Variants in RAI1 observed in about 807,000 individuals in gnomAD.
RAI1 encodes retinoic acid-induced protein 1.
A neutral mutation model predicts 123.8 loss-of-function variants in RAI1; 9 were observed. The ratio of observed to expected loss-of-function variants is 0.07; its 90% CI spans 0.04 to 0.13. RAI1 has a LOEUF of 0.13. Among genes scored for constraint, RAI1 ranks in the 10% least tolerant of loss-of-function variants. The pLI is 1.00. For missense variants in RAI1, 2,256 were observed against 2,545.8 expected (o/e 0.89, Z 2.45); for synonymous variants, 1,231 against 1,127.3 (o/e 1.09, Z -1.84).
intron 1 of RAI1, among the ~76,000 whole-genome samples, chr17:17,708,521 A>G (rs2142900521): frequency 6.6e-6 from 1 of 152,096 alleles, no homozygotes; most frequent in African/African-American, 2.4e-5. Context: ...CAATCCTCCT[A>G]CCTTAGCTTC....
At position 17,810,622 on chromosome 17, in the gene RAI1, C is replaced by G; in HGVS notation, c.*641C>G. The G allele has an allele frequency of 1.5e-5, 5 of 330,194 alleles. No individual in the cohort carries two copies. Among genetic ancestry groups the G allele is most frequent in the South Asian group, 1.1e-4 (5 of 45,870 alleles). The allele number at this position is 330,194 out of a possible 1,614,324, so 20.5% of individuals were successfully genotyped here. ...CCCAGCCTTTGCCAGATCTCTCGTG[C>G]GGTTCGGGCAAAGCCGGGGTAGACC... On this transcript the variant is annotated 3_prime_UTR_variant, in exon 6 of 6. Transcript: ENST00000353383. This position sits in a 1 kb window ranked among gnomAD's most constrained non-coding sequence, Gnocchi z 4.6.
chr17:17,741,849 G>A (rs371847593), intron 2 of RAI1, among the ~76,000 whole-genome samples: 16 of 152,378 alleles, frequency 1.1e-4, no homozygotes, highest in African/African-American at 3.6e-4. Flanking sequence ...CCGTTGCTTC[G>A]GTGCCAGTGG....
At position 17,795,486 on chromosome 17, in the gene RAI1, C is replaced by T. The variant is rs774067791; in HGVS notation, c.2538C>T (p.Ser846=). The T allele has an allele frequency of 2.5e-6, 4 of 1,585,232 alleles. No individual in the cohort carries two copies. Among genetic ancestry groups the T allele is most frequent in the East Asian group, 2.3e-5 (1 of 43,404 alleles). The change falls in exon 3 of 6, where the codon TCC becomes TCT. Residue 846 remains serine (S), a synonymous_variant. Coordinates refer to ENST00000353383, the MANE Select transcript of RAI1 (RefSeq NM_030665.4). This position sits in a 1 kb window ranked among gnomAD's most constrained non-coding sequence, Gnocchi z 5.9. ...RWLEDSRHCC[S]TADFGDLPLL... is the part of the protein sequence containing the mutation. ...TGGAGGACAGCCGGCACTGCTGTTCCACCGCCGACTTCGGGGACCTCCCAC... is the reference window on the plus strand; with the variant it reads ...TGGAGGACAGCCGGCACTGCTGTTCTACCGCCGACTTCGGGGACCTCCCAC...
At chr17:17,736,505 G>A (rs561409415) in intron 2 of RAI1, among the ~76,000 whole-genome samples, 1 of 152,266 alleles carries the variant, frequency 6.6e-6, no homozygotes, top group Non-Finnish European at 1.5e-5. Flanking sequence ...AGATGTAGAA[G>A]GAAGTGGGTC....
At chr17:17,735,853 A>G (rs1283096764) in intron 2 of RAI1, among the ~76,000 whole-genome samples, 1 of 152,066 alleles carries the variant, frequency 6.6e-6, no homozygotes, top group East Asian at 1.9e-4. Flanking sequence ...AGGTGGCCCT[A>G]TTTTGCCAAC....
intron 2 of RAI1, among the ~76,000 whole-genome samples, chr17:17,783,071 TG>T (rs539319173): frequency 1 from 152,204 of 152,220 alleles, 76,094 homozygotes; most frequent in Middle Eastern, 1. Flanking sequence ...TGATGGGGGC[TG>T]GTGGCAGCCC....
At chr17:17,759,991 G>A (rs1033300423) in intron 2 of RAI1, among the ~76,000 whole-genome samples, 2 of 152,172 alleles carry the variant, frequency 1.3e-5, no homozygotes, top group Non-Finnish European at 2.9e-5. Context: ...GGAGGAGATG[G>A]GCTGTAGAAT....
Position 17,793,713 on chromosome 17 carries a change from C to T in RAI1, c.765C>T (p.Ser255=), listed in dbSNP as rs779408231. ...QPHDRPLTAS[S]SLAPGQRVQN... ...ATGACAGGCCGCTGACTGCCAGCTC[C>T]AGCCTGGCCCCGGGGCAGCGGGTCC... The change falls in exon 3 of 6, where the codon TCC becomes TCT. Residue 255 remains serine, a synonymous_variant. Coordinates refer to ENST00000353383, the MANE Select transcript of RAI1 (RefSeq NM_030665.4). The T allele has an allele frequency of 1.9e-5, 30 of 1,612,958 alleles. 1 individual carries two copies. The highest frequency in any genetic ancestry group is 1.5e-5 in the Non-Finnish European group (18 of 1,180,040).
chr17:17,769,424 G>A (rs947268049), intron 2 of RAI1, among the ~76,000 whole-genome samples: 1 of 152,242 alleles, frequency 6.6e-6, no homozygotes, highest in Admixed American at 6.5e-5. Context: ...CAGCTCCCCC[G>A]AGGCACGGGG....
chr17:17,759,881 T>C (rs2030615121), intron 2 of RAI1, among the ~76,000 whole-genome samples: 2 of 152,218 alleles, frequency 1.3e-5, no homozygotes, highest in Non-Finnish European at 2.9e-5. Context: ...TGCTGTAATC[T>C]TGATCTGGGG....
At chr17:17,752,172 T>C (rs987786767) in intron 2 of RAI1, among the ~76,000 whole-genome samples, 1 of 151,964 alleles carries the variant, frequency 6.6e-6, no homozygotes, top group Non-Finnish European at 1.5e-5. Context: ...CCGCCCGGCA[T>C]ACCCACGGGC....
In RAI1 at chr17:17,795,721, G is replaced by T; in HGVS notation, c.2773G>T (p.Val925Phe). Reference sequence around the variant, plus strand: ...TCCGTGCCACCTCTCAGGGGAGTCCGTCATCCTGCTGGGCCCTACAGTGGG... The same window carrying T: ...TCCGTGCCACCTCTCAGGGGAGTCCTTCATCCTGCTGGGCCCTACAGTGGG... ...GSPCHLSGES[V>F]ILLGPTVGTE... Residue 925 changes from valine to phenylalanine, a missense_variant, in exon 3 of 6, where the codon GTC (valine) becomes TTC (phenylalanine). Around this residue, in one of 7 missense-constraint regions of RAI1, gnomAD observed 566 missense variants for 616.0 expected, o/e 0.92. Coordinates refer to ENST00000353383, the MANE Select transcript of RAI1 (RefSeq NM_030665.4). The surrounding 1 kb of genome is among the most constrained non-coding windows in gnomAD (Gnocchi z 5.9). 1.2e-6 allele frequency: 2 copies of T among 1,613,354 alleles called. No homozygotes were observed. The highest frequency in any genetic ancestry group is 8.5e-7 in the Non-Finnish European group (1 of 1,180,022).
At position 17,797,643 on chromosome 17, in the gene RAI1, G is replaced by C. The variant is rs1162499097; in HGVS notation, c.4695G>C (p.Val1565=). Residue 1565 remains valine, a synonymous_variant, in exon 3 of 6, where the codon GTG becomes GTC. Coordinates refer to ENST00000353383, the MANE Select transcript of RAI1 (RefSeq NM_030665.4). ...GRAKRRRQQQ[V]LPLDPAEPEI... is the part of the protein sequence containing the mutation. Reference sequence around the variant, plus strand: ...CCAAGCGACGACGACAGCAGCAGGTGCTGCCCCTGGATCCCGCAGAGCCTG... The same window carrying C: ...CCAAGCGACGACGACAGCAGCAGGTCCTGCCCCTGGATCCCGCAGAGCCTG... The C allele has an allele frequency of 6.2e-7, 1 of 1,613,886 alleles. No homozygotes were observed. The highest frequency in any genetic ancestry group is 1.3e-5 in the African/African-American group (1 of 75,058).
rs1567944382 is a variant in RAI1, at chr17:17,811,070, GGCCAGTCCCT to G, written c.*1098_*1107del. ...TGTCCACGCAGCCACCACCGGCCCG[GGCCAGTCCCT>G]GCCAGTCCGTCCGCCTGTCCGTCCG... is the stretch of plus-strand genomic sequence containing the variant. On this transcript the variant is annotated 3_prime_UTR_variant, in exon 6 of 6. Transcript: ENST00000353383. 3 of 308,420 alleles carry G rather than the reference GGCCAGTCCCT, an allele frequency of 9.7e-6. No homozygotes were observed. Among genetic ancestry groups the G allele is most frequent in the African/African-American group, 4.5e-5 (2 of 43,984 alleles). 19.1% of individuals were successfully genotyped at this position (308,420 alleles called of 1,614,324 possible). A position where few individuals can be genotyped will look rare whatever the true frequency, so the allele number is the denominator to read the frequency against.
chr17:17,789,290 C>CT (rs1170530904), intron 2 of RAI1, among the ~76,000 whole-genome samples: 1 of 152,220 alleles, frequency 6.6e-6, no homozygotes, highest in Non-Finnish European at 1.5e-5. Context: ...CTGAACCTCA[C>CT]TTTTTTCTGT....
chr17:17,695,487 TACTACTCC>T (rs1914994905), intron 1 of RAI1, among the ~76,000 whole-genome samples: 1 of 151,196 alleles, frequency 6.6e-6, no homozygotes, highest in Admixed American at 6.6e-5. Context: ...AGTCCCTAGT[TACTACTCC>T]ACAGCCGCCT....
At chr17:17,700,406 C>G (rs1156997278) in intron 1 of RAI1, among the ~76,000 whole-genome samples, 2 of 151,712 alleles carry the variant, frequency 1.3e-5, no homozygotes, top group African/African-American at 4.8e-5. Flanking sequence ...GCTCCAGCGG[C>G]CGCGCCCCGC....
At chr17:17,780,868 G>C (rs1339334366) in intron 2 of RAI1, among the ~76,000 whole-genome samples, 1 of 152,194 alleles carries the variant, frequency 6.6e-6, no homozygotes, top group East Asian at 1.9e-4. Context: ...AGGAGGCTGT[G>C]TCCCTGTCTC....
At chr17:17,690,182 C>T (rs1291168523) in intron 1 of RAI1, among the ~76,000 whole-genome samples, 12 of 151,954 alleles carry the variant, frequency 7.9e-5, no homozygotes, top group South Asian at 4.2e-4. Flanking sequence ...CCCGGGAGTT[C>T]GAGACCAGCC....
Sources: gnomAD v4.1 joint callset for allele counts (sites outside exome capture counted in the v4.1 genomes callset) on GRCh38, gnomAD v4.1.1 for gene constraint, gnomAD v4.1.1 regional missense constraint, Gnocchi (gnomAD v3.1) non-coding constraint, MANE v1.5 for transcripts, NCBI Gene and HGNC (gene_info 2026-07-23, HGNC 2026-07-21) for gene names.